The following SLC25A21 variants were observed in gnomAD, a reference collection of about 807,000 sequenced individuals.
SLC25A21 encodes the protein solute carrier family 25 member 21.
In SLC25A21, 47 loss-of-function variants were observed where a neutral mutation model predicts 43.8. That is an observed-to-expected ratio of 1.07 (90% CI 0.85 to 1.37). The LOEUF (loss-of-function observed/expected upper bound fraction) is 1.37. Among genes scored for constraint, SLC25A21 ranks in the 40% most tolerant of loss-of-function variants. The pLI is 0.00. For missense variants in SLC25A21, 352 were observed against 350.2 expected (o/e 1.00, Z -0.04); for synonymous variants, 131 against 121.3 (o/e 1.08, Z -0.52).
intron 1 of SLC25A21, among the ~76,000 whole-genome samples, chr14:36,975,178 T>A (rs1442979011): frequency 1.3e-5 from 2 of 152,176 alleles, no homozygotes; most frequent in Non-Finnish European, 2.9e-5. Context: ...AGAATTTAAC[T>A]GATGATGTCA....
intron 1 of SLC25A21, among the ~76,000 whole-genome samples, chr14:37,100,295 G>A (rs1436510386): frequency 1.3e-5 from 2 of 151,972 alleles, no homozygotes; most frequent in Non-Finnish European, 2.9e-5. Context: ...CTGACCTCAG[G>A]TGTTTCCCCG....
chr14:36,979,645 C>T (rs1281749850), intron 1 of SLC25A21, among the ~76,000 whole-genome samples: 1 of 152,164 alleles, frequency 6.6e-6, no homozygotes, highest in Admixed American at 6.5e-5. Context: ...CGCAAGCCAC[C>T]ATGCCCAGCC....
intron 6 of SLC25A21, among the ~76,000 whole-genome samples, chr14:36,715,936 C>T (rs988570517): frequency 6.6e-6 from 1 of 151,914 alleles, no homozygotes; most frequent in Non-Finnish European, 1.5e-5. Flanking sequence ...ACTAATAATA[C>T]AAAAAGTAGC....
intron 6 of SLC25A21, among the ~76,000 whole-genome samples, chr14:36,724,508 G>A (rs1884510015): frequency 6.6e-6 from 1 of 152,200 alleles, no homozygotes; most frequent in African/African-American, 2.4e-5. Context: ...TCTACCACAT[G>A]CTACCTAGTT....
At chr14:36,760,764 C>T (rs981495101) in intron 3 of SLC25A21, among the ~76,000 whole-genome samples, 1 of 152,040 alleles carries the variant, frequency 6.6e-6, no homozygotes, top group African/African-American at 2.4e-5. Flanking sequence ...TGCCAGCGTG[C>T]GTGTTTAAGG....
intron 1 of SLC25A21, among the ~76,000 whole-genome samples, chr14:37,097,401 A>G (rs1275789450): frequency 1.3e-5 from 2 of 152,026 alleles, no homozygotes; most frequent in African/African-American, 4.8e-5. Context: ...CACTCGGCCA[A>G]ATGTGTTTTC....
chr14:37,158,115 A>C (rs1349871843), intron 1 of SLC25A21, among the ~76,000 whole-genome samples: 1 of 152,090 alleles, frequency 6.6e-6, no homozygotes, highest in Non-Finnish European at 1.5e-5. Context: ...CAACGACAAA[A>C]AGGACCTGCT....
At chr14:37,144,921 G>GGTT (rs386363960) in intron 1 of SLC25A21, among the ~76,000 whole-genome samples, 1 of 59,312 alleles carries the variant, frequency 1.7e-5, no homozygotes, top group Non-Finnish European at 4.1e-5. Flanking sequence ...GCCCAGCCTG[G>GGTT]GTGGTTGTTG....
chr14:36,804,892 G>A (rs1185081862), intron 3 of SLC25A21, among the ~76,000 whole-genome samples: 1 of 152,112 alleles, frequency 6.6e-6, no homozygotes, highest in Non-Finnish European at 1.5e-5. Flanking sequence ...TTTGGTTTTG[G>A]TAAAGCCATA....
At chr14:36,785,157 G>C (rs993508812) in intron 3 of SLC25A21, among the ~76,000 whole-genome samples, 1 of 152,150 alleles carries the variant, frequency 6.6e-6, no homozygotes, top group Non-Finnish European at 1.5e-5. Context: ...AATGGGTCAG[G>C]GAAATCCATG....
intron 1 of SLC25A21, among the ~76,000 whole-genome samples, chr14:36,916,620 T>C (rs185350131): frequency 6.6e-6 from 1 of 152,330 alleles, no homozygotes; most frequent in East Asian, 1.9e-4. Flanking sequence ...TTAAATGACA[T>C]AAATTTAAAA....
chr14:36,803,205 A>G (rs2138423868), intron 3 of SLC25A21, among the ~76,000 whole-genome samples: 1 of 152,322 alleles, frequency 6.6e-6, no homozygotes, highest in Admixed American at 6.5e-5. Context: ...GTTTGAAAAC[A>G]GGGTTGTAGA....
chr14:36,999,912 A>G (rs1317658654), intron 1 of SLC25A21, among the ~76,000 whole-genome samples: 12 of 152,174 alleles, frequency 7.9e-5, no homozygotes, highest in African/African-American at 2.9e-4. Flanking sequence ...GCAAGGAAAG[A>G]GATTTGTGTC....
intron 1 of SLC25A21, among the ~76,000 whole-genome samples, chr14:37,137,634 C>G (rs1195436463): frequency 6.6e-6 from 1 of 152,158 alleles, no homozygotes; most frequent in Non-Finnish European, 1.5e-5. Context: ...TACATTACTA[C>G]ATTGTAGGAT....
At chr14:36,969,283 C>T (rs1022892786) in intron 1 of SLC25A21, among the ~76,000 whole-genome samples, 4 of 152,092 alleles carry the variant, frequency 2.6e-5, no homozygotes, top group African/African-American at 9.7e-5. Flanking sequence ...TTTCCAAGAG[C>T]GGGAACAGAT....
At chr14:37,068,387 G>A (rs1011246531) in intron 1 of SLC25A21, among the ~76,000 whole-genome samples, 3 of 152,172 alleles carry the variant, frequency 2.0e-5, no homozygotes, top group African/African-American at 7.2e-5. Context: ...AGGAAAGAGT[G>A]TCTTAACTGT....
At chr14:37,120,384 T>G (rs1221053366) in intron 1 of SLC25A21, among the ~76,000 whole-genome samples, 1 of 152,228 alleles carries the variant, frequency 6.6e-6, no homozygotes, top group Non-Finnish European at 1.5e-5. Flanking sequence ...ATTAATGTGT[T>G]GCAAAAAGTA....
At chr14:36,895,001 CT>C (rs911890904) in intron 1 of SLC25A21, among the ~76,000 whole-genome samples, 9 of 152,040 alleles carry the variant, frequency 5.9e-5, no homozygotes, top group Non-Finnish European at 1.2e-4. Context: ...CTAAAATTCT[CT>C]TTTTTGGTTG....
chr14:36,904,026 T>C (rs908727364), intron 1 of SLC25A21, among the ~76,000 whole-genome samples: 1 of 152,232 alleles, frequency 6.6e-6, no homozygotes, highest in Non-Finnish European at 1.5e-5. Flanking sequence ...ACTGTCAATA[T>C]TTTCCACGAA....
Sources: allele counts gnomAD v4.1 joint callset (sites outside exome capture counted in the v4.1 genomes callset), GRCh38; gene constraint gnomAD v4.1.1; transcripts MANE v1.5; gene names NCBI Gene and HGNC (gene_info 2026-07-23, HGNC 2026-07-21).